Variants in NAV1 observed in about 807,000 individuals in gnomAD.
The protein encoded by NAV1 is pore membrane and/or filament interacting like protein 3.
NAV1 carries 18 observed loss-of-function variants against 175.2 expected under a neutral mutation model. The ratio of observed to expected loss-of-function variants is 0.10; its 90% CI spans 0.07 to 0.15. NAV1 has a LOEUF of 0.15. Among genes scored for constraint, NAV1 ranks in the 10% least tolerant of loss-of-function variants. The pLI is 1.00. For missense variants in NAV1, 1,731 were observed against 2,436.6 expected (o/e 0.71, Z 6.10); for synonymous variants, 897 against 978.7 (o/e 0.92, Z 1.56).
At chr1:201,545,366 T>C (rs1665636119) in intron 1 of NAV1, among the ~76,000 whole-genome samples, 1 of 151,816 alleles carries the variant, frequency 6.6e-6, no homozygotes, top group Non-Finnish European at 1.5e-5. Context: ...TTTTCTTTTT[T>C]TTTTTAATTA....
chr1:201,671,810 A>C (rs1348716548), intron 1 of NAV1, among the ~76,000 whole-genome samples: 1 of 152,208 alleles, frequency 6.6e-6, no homozygotes, highest in Non-Finnish European at 1.5e-5. Context: ...GCCACTGGTC[A>C]CAATACCGAT....
chr1:201,671,268 T>G (rs1670034826), intron 1 of NAV1, among the ~76,000 whole-genome samples: 1 of 152,188 alleles, frequency 6.6e-6, no homozygotes, highest in South Asian at 2.1e-4. Flanking sequence ...GTGTGCCATC[T>G]CCCTGTATGA....
exon 1 of NAV1, chr1:201,623,368 C>T: frequency 1.0e-6 from 1 of 985,904 alleles, no homozygotes; most frequent in Non-Finnish European, 1.2e-6. Context: ...ACCAGGGGCT[C>T]CGGAAGGTCG....
intron 1 of NAV1, among the ~76,000 whole-genome samples, chr1:201,584,081 C>A (rs1460288008): frequency 1.3e-5 from 2 of 152,238 alleles, no homozygotes; most frequent in African/African-American, 4.8e-5. Context: ...AGGACACTAG[C>A]ATTTATGGAA....
chr1:201,612,911 C>A (rs1667897106), intron 2 of NAV1, among the ~76,000 whole-genome samples: 1 of 151,884 alleles, frequency 6.6e-6, no homozygotes, highest in South Asian at 2.1e-4. Context: ...CAGTACGAGT[C>A]ATATCTTCAG....
chr1:201,811,703 C>G (rs1446444927), exon 25 of NAV1: 1 of 1,612,014 alleles, frequency 6.2e-7, no homozygotes, highest in Non-Finnish European at 8.5e-7. Context: ...CTGAGTGAAG[C>G]AGGCTCCATC....
At chr1:201,826,442 A>G (rs1282785276) in exon 30 of NAV1, 1 of 152,174 alleles carries the variant, frequency 6.6e-6, no homozygotes, top group East Asian at 1.9e-4. Flanking sequence ...TCTTTTTTCA[A>G]AATGAATTCC....
At chr1:201,566,758 C>T (rs1329613350) in intron 1 of NAV1, among the ~76,000 whole-genome samples, 1 of 151,988 alleles carries the variant, frequency 6.6e-6, no homozygotes, top group Admixed American at 6.6e-5. Context: ...CCATAATCCC[C>T]CACTCCAGAA....
chr1:201,681,819 A>T (rs1670476656), intron 1 of NAV1, among the ~76,000 whole-genome samples: 1 of 152,130 alleles, frequency 6.6e-6, no homozygotes, highest in Non-Finnish European at 1.5e-5. Context: ...CTAAAAATAC[A>T]AAAATTAGCC....
intron 1 of NAV1, among the ~76,000 whole-genome samples, chr1:201,561,715 T>C (rs377189827): frequency 2.6e-5 from 4 of 152,288 alleles, no homozygotes; most frequent in African/African-American, 2.4e-5. Context: ...CTTCCATTAG[T>C]GTAGGATCTG....
chr1:201,624,550 G>A (rs1049786793), intron 1 of NAV1, among the ~76,000 whole-genome samples: 27 of 151,638 alleles, frequency 1.8e-4, no homozygotes, highest in African/African-American at 5.8e-4. Context: ...GTTTCACTGT[G>A]TTAGCCAGCA....
intron 1 of NAV1, among the ~76,000 whole-genome samples, chr1:201,669,706 C>G (rs953336319): frequency 6.6e-6 from 1 of 152,162 alleles, no homozygotes; most frequent in African/African-American, 2.4e-5. Flanking sequence ...TTAGAGCCAT[C>G]CAGGTGACAC....
chr1:201,769,631 C>A (rs1432613192), intron 3 of NAV1, among the ~76,000 whole-genome samples: 1 of 152,116 alleles, frequency 6.6e-6, no homozygotes, highest in Non-Finnish European at 1.5e-5. Context: ...GTCTTGGAAC[C>A]TGTTTCCAGT....
intron 1 of NAV1, among the ~76,000 whole-genome samples, chr1:201,560,749 C>A (rs1666172839): frequency 6.6e-6 from 1 of 152,224 alleles, no homozygotes; most frequent in Non-Finnish European, 1.5e-5. Context: ...ATTTTTATCT[C>A]CTGTCTCTGC....
intron 3 of NAV1, among the ~76,000 whole-genome samples, chr1:201,762,313 G>A (rs1232168936): frequency 1.3e-5 from 2 of 152,202 alleles, no homozygotes; most frequent in African/African-American, 4.8e-5. Flanking sequence ...CCCAGGACTT[G>A]TCAGTTACGG....
chr1:201,582,854 A>G (rs548158842), intron 1 of NAV1, among the ~76,000 whole-genome samples: 5 of 152,342 alleles, frequency 3.3e-5, no homozygotes. Flanking sequence ...GCTAGGAGCC[A>G]GGTCTATTAC....
chr1:201,714,363 C>A (rs1273899904), intron 2 of NAV1, among the ~76,000 whole-genome samples: 1 of 152,242 alleles, frequency 6.6e-6, no homozygotes, highest in Non-Finnish European at 1.5e-5. Context: ...CTACTCCTCC[C>A]CCTATCCCCA....
At chr1:201,795,600 C>T (rs1450661596) in intron 15 of NAV1, 3 of 152,160 alleles carry the variant, frequency 2.0e-5, no homozygotes, top group Non-Finnish European at 4.4e-5. Flanking sequence ...TTCCTCCAGT[C>T]GATCCTACAT....
At position 201,756,995 on chromosome 1, in the gene NAV1, A is replaced by G. The variant is rs537077689; in HGVS notation, c.1227-23426A>G. On this transcript the variant is annotated intron_variant, in intron 3 of 29. Coordinates refer to ENST00000367296, the Ensembl canonical transcript of NAV1. ...TCACAATAATAGTGGCAGGTCTGGCATAGGAGTATGTTAAAGTAGGCTGTC... is the reference window on the plus strand; with the variant it reads ...TCACAATAATAGTGGCAGGTCTGGCGTAGGAGTATGTTAAAGTAGGCTGTC... Among the ~76,000 whole-genome samples, 164 of 152,176 alleles carry G rather than the reference A, an allele frequency of 1.1e-3. 2 individuals carry two copies. The highest frequency in any genetic ancestry group is 3.9e-3 in the African/African-American group (162 of 41,528).
Sources: gnomAD v4.1 joint callset for allele counts (sites outside exome capture counted in the v4.1 genomes callset) on GRCh38, gnomAD v4.1.1 for gene constraint, MANE v1.5 for transcripts, NCBI Gene and HGNC (gene_info 2026-07-23, HGNC 2026-07-21) for gene names.